Variants in ELF2 observed in about 807,000 individuals in gnomAD.
ELF2 encodes the protein E74 like ETS transcription factor 2, also known as ETS-related transcription factor Elf-2.
ELF2 carries 11 observed loss-of-function variants against 54.8 expected under a neutral mutation model. The observed-to-expected ratio is 0.20, with a 90% confidence interval of 0.13 to 0.33. ELF2 has a LOEUF of 0.33. ELF2 is among the 10% of genes least tolerant of loss of function. The pLI is 1.00. For missense variants in ELF2, 513 were observed against 703.0 expected, an observed-to-expected ratio of 0.73 and a Z score of 3.06; for synonymous variants, 203 against 245.1, an observed-to-expected ratio of 0.83 and a Z score of 1.61.
chr4:139,132,908 G>A (rs1262626792), intron 3 of ELF2, among the ~76,000 whole-genome samples: 3 of 143,474 alleles, frequency 2.1e-5, no homozygotes, highest in African/African-American at 7.9e-5. Context: ...TGGGGGTGAG[G>A]GAGAGACGAA....
At chr4:139,134,846 C>T (rs1737967441) in intron 3 of ELF2, among the ~76,000 whole-genome samples, 2 of 151,452 alleles carry the variant, frequency 1.3e-5, no homozygotes, top group African/African-American at 2.4e-5. Context: ...ACACTAGGCC[C>T]AATACTTCTC....
intron 4 of ELF2, among the ~76,000 whole-genome samples, chr4:139,114,088 T>C (rs891266674): frequency 1.3e-5 from 2 of 152,180 alleles, no homozygotes; most frequent in Admixed American, 1.3e-4. Flanking sequence ...TCTTTTTAGA[T>C]CTCAAAGTTA....
At chr4:139,065,052 T>C (rs779844308) in intron 7 of ELF2, among the ~76,000 whole-genome samples, 2 of 152,188 alleles carry the variant, frequency 1.3e-5, no homozygotes, top group African/African-American at 2.4e-5. Context: ...TTTGTTCACA[T>C]AGTAGTAAAT....
intron 3 of ELF2, among the ~76,000 whole-genome samples, chr4:139,131,717 C>T (rs965078982): frequency 1.3e-5 from 2 of 151,598 alleles, no homozygotes; most frequent in African/African-American, 4.8e-5. Context: ...CAAATAAATA[C>T]GTCACTAGAA....
chr4:139,146,785 T>G (rs144206839), intron 1 of ELF2, among the ~76,000 whole-genome samples: 37 of 152,246 alleles, frequency 2.4e-4, no homozygotes, highest in African/African-American at 8.9e-4. Flanking sequence ...GACACCCTAT[T>G]TATTTAATAA....
intron 4 of ELF2, chr4:139,084,252 G>A (rs1395463326): frequency 4.4e-6 from 7 of 1,607,926 alleles, no homozygotes; most frequent in African/African-American, 1.3e-5. Context: ...GCGGCGGCAG[G>A]GGAGGAGGCG....
At chr4:139,116,683 C>T in intron 4 of ELF2, 1 of 985,436 alleles carries the variant, frequency 1.0e-6, no homozygotes, top group Non-Finnish European at 1.2e-6. Flanking sequence ...ATCTGTTTCA[C>T]CTTCAGGTAA....
chr4:139,076,976 T>C (rs1338313399), intron 4 of ELF2, among the ~76,000 whole-genome samples: 7 of 152,174 alleles, frequency 4.6e-5, no homozygotes, highest in African/African-American at 1.7e-4. Flanking sequence ...ACATAAAATA[T>C]GCATAAATTA....
intron 1 of ELF2, among the ~76,000 whole-genome samples, chr4:139,161,909 A>G (rs1408024156): frequency 6.6e-6 from 1 of 152,056 alleles, no homozygotes; most frequent in African/African-American, 2.4e-5. Context: ...CCTGGCTAAC[A>G]CGGTGAAACC....
chr4:139,069,340 A>C (rs1466138013), intron 6 of ELF2, among the ~76,000 whole-genome samples: 1 of 152,212 alleles, frequency 6.6e-6, no homozygotes, highest in African/African-American at 2.4e-5. Flanking sequence ...GAATTCTGGT[A>C]ATTGTAATCA....
At chr4:139,142,366 G>A (rs1738787341) in intron 1 of ELF2, among the ~76,000 whole-genome samples, 1 of 152,138 alleles carries the variant, frequency 6.6e-6, no homozygotes, top group Admixed American at 6.5e-5. Flanking sequence ...CCGGCAAGGG[G>A]ACCCAATACA....
chr4:139,164,108 GAGGGAGGAAGGGAGAGAGAGA>G (rs1741460318), intron 1 of ELF2, among the ~76,000 whole-genome samples: 1 of 149,772 alleles, frequency 6.7e-6, no homozygotes, highest in Non-Finnish European at 1.5e-5. Flanking sequence ...GAGAGAGAAA[GAGGGAGGAAGGGAGAGAGAGA>G]AAGAGAAAGA....
chr4:139,147,145 A>C (rs529521286), intron 1 of ELF2, among the ~76,000 whole-genome samples: 8 of 152,316 alleles, frequency 5.3e-5, no homozygotes, highest in African/African-American at 1.9e-4. Context: ...GCATCCAACA[A>C]AGGACCAACG....
chr4:139,110,706 A>AG (rs3833611), intron 4 of ELF2, among the ~76,000 whole-genome samples: 34,870 of 152,110 alleles, frequency 0.23, 4,161 homozygotes, highest in Non-Finnish European at 0.25. Flanking sequence ...TGCACTGCTT[A>AG]GGAGCTATGA....
intron 4 of ELF2, among the ~76,000 whole-genome samples, chr4:139,105,594 A>T (rs1734333882): frequency 6.6e-6 from 1 of 152,198 alleles, no homozygotes. Context: ...ATTGTCAAAA[A>T]ATGATCCTGG....
At chr4:139,119,556 G>C (rs1226715922) in intron 4 of ELF2, among the ~76,000 whole-genome samples, 1 of 152,126 alleles carries the variant, frequency 6.6e-6, no homozygotes, top group African/African-American at 2.4e-5. Context: ...TATTCTTCAG[G>C]ATTCTGGTCA....
chr4:139,126,860 G>T (rs1349769001), intron 3 of ELF2, among the ~76,000 whole-genome samples: 1 of 152,122 alleles, frequency 6.6e-6, no homozygotes, highest in African/African-American at 2.4e-5. Flanking sequence ...TTAAAAAAGA[G>T]AACTATTGCA....
chr4:139,115,077 C>T, intron 4 of ELF2: 4 of 1,613,972 alleles, frequency 2.5e-6, no homozygotes, highest in East Asian at 2.2e-5. Flanking sequence ...TGTCCAGGAG[C>T]TCATCCACGT....
intron 9 of ELF2, 128 bp from the exon 10 acceptor site, chr4:139,059,735 G>A (rs1560746754): frequency 1.9e-6 from 2 of 1,040,406 alleles, no homozygotes; most frequent in East Asian, 4.9e-5. Context: ...CAGAGGTACT[G>A]GCAATCCCTG....
Sources: allele counts gnomAD v4.1 joint callset (sites outside exome capture counted in the v4.1 genomes callset), GRCh38; gene constraint gnomAD v4.1.1; transcripts MANE v1.5; gene names NCBI Gene and HGNC (gene_info 2026-07-23, HGNC 2026-07-21).